Variants in IL1RAPL1 observed in about 807,000 individuals in gnomAD.
The protein encoded by IL1RAPL1 is interleukin 1 receptor accessory protein like 1, also known as interleukin-1 receptor accessory protein-like 1.
IL1RAPL1 carries 3 observed loss-of-function variants against 48.4 expected under a neutral mutation model. The ratio of observed to expected loss-of-function variants is 0.06; its 90% confidence interval spans 0.03 to 0.16. IL1RAPL1 has a LOEUF of 0.16. Among genes scored for constraint, IL1RAPL1 ranks in the 10% least tolerant of loss-of-function variants. The probability of loss-of-function intolerance (pLI) is 1.00; values close to 1 mark genes in which losing one functional copy is unlikely to be tolerated. For missense variants in IL1RAPL1, 349 were observed against 530.6 expected (o/e 0.66, Z 3.36); for synonymous variants, 185 against 187.7 (o/e 0.99, Z 0.12).
intron 5 of IL1RAPL1, among the ~76,000 whole-genome samples, chrX:29,565,804 G>T (rs1206093262): frequency 9.0e-6 from 1 of 111,578 alleles, no homozygotes; most frequent in East Asian, 2.8e-4. Flanking sequence ...TTGTGGTAGG[G>T]AAAAATTAAC....
At chrX:29,748,085 A>G (rs4829289) in intron 6 of IL1RAPL1, among the ~76,000 whole-genome samples, 42,288 of 111,336 alleles carry the variant, frequency 0.38, 5,727 homozygotes, top group Admixed American at 0.48. Flanking sequence ...AGCCAGAAAC[A>G]ACTGTAGCAG....
At chrX:29,183,476 A>T (rs775787926) in intron 2 of IL1RAPL1, among the ~76,000 whole-genome samples, 1 of 111,613 alleles carries the variant, frequency 9.0e-6, no homozygotes, top group South Asian at 3.7e-4. Context: ...AAGTGCAAGC[A>T]GGTGACTTTG....
chrX:28,884,804 A>G lies in IL1RAPL1; in HGVS notation c.82+95379A>G, dbSNP rs1041530929. ...AGAAAGGACAAAAAATAAAATATTT[A>G]TAGATTATTTGGCAAAGTATAAGTA... is the stretch of plus-strand genomic sequence containing the variant. On this transcript the variant is annotated intron_variant, in intron 2 of 10. Transcript: ENST00000378993. Among the ~76,000 whole-genome samples, 5 of 111,706 alleles carry G rather than the reference A, an allele frequency of 4.5e-5. No individual in the cohort carries two copies. In the East Asian group the frequency reaches 1.1e-3, roughly 25 times the overall value.
chrX:29,081,981 T>C (rs1272671079), intron 2 of IL1RAPL1, among the ~76,000 whole-genome samples: 1 of 111,183 alleles, frequency 9.0e-6, no homozygotes, highest in Non-Finnish European at 1.9e-5. Context: ...AATTCTCTTA[T>C]GAAATTATAC....
chrX:29,025,379 GT>G (rs1926462531), intron 2 of IL1RAPL1, among the ~76,000 whole-genome samples: 1 of 111,658 alleles, frequency 9.0e-6, no homozygotes, highest in Non-Finnish European at 1.9e-5. Context: ...TAGCCTCCTA[GT>G]TGGGCTTCCA....
At chrX:28,853,034 G>A (rs191261121) in intron 2 of IL1RAPL1, among the ~76,000 whole-genome samples, 1 of 111,354 alleles carries the variant, frequency 9.0e-6, no homozygotes, top group Non-Finnish European at 1.9e-5. Context: ...CACATAGGAA[G>A]TGCTCAATAA....
intron 5 of IL1RAPL1, among the ~76,000 whole-genome samples, chrX:29,616,446 G>A (rs758075379): frequency 3.5e-4 from 38 of 108,596 alleles, no homozygotes; most frequent in Non-Finnish European, 4.6e-4. Context: ...GTCATTTAAC[G>A]TTAGGTATAT....
At chrX:29,942,903 G>A (rs936966898) in intron 9 of IL1RAPL1, among the ~76,000 whole-genome samples, 1 of 110,782 alleles carries the variant, frequency 9.0e-6, no homozygotes, top group Non-Finnish European at 1.9e-5. Context: ...TTACAGGCAC[G>A]AGCTACTGCA....
chrX:29,103,257 C>T (rs1459505243), intron 2 of IL1RAPL1, among the ~76,000 whole-genome samples: 1 of 111,844 alleles, frequency 8.9e-6, no homozygotes, highest in African/African-American at 3.3e-5. Flanking sequence ...CAGCATGGTA[C>T]TGGCCTAGAA....
chrX:29,706,524 G>A (rs1371432994), intron 6 of IL1RAPL1, among the ~76,000 whole-genome samples: 3 of 111,480 alleles, frequency 2.7e-5, no homozygotes, highest in Non-Finnish European at 5.6e-5. Context: ...AAAACAAAGG[G>A]GCTACAGGCC....
chrX:29,032,586 CT>C (rs1307551403), intron 2 of IL1RAPL1, among the ~76,000 whole-genome samples: 1 of 112,224 alleles, frequency 8.9e-6, no homozygotes, highest in African/African-American at 3.2e-5. Context: ...TCTTTTCTTT[CT>C]CTGCGATTCT....
At chrX:29,838,682 G>A (rs1333099988) in intron 6 of IL1RAPL1, among the ~76,000 whole-genome samples, 1 of 111,997 alleles carries the variant, frequency 8.9e-6, no homozygotes, top group Non-Finnish European at 1.9e-5. Context: ...CATAGGTATA[G>A]AATCCAGCCC....
chrX:29,915,737 T>G (rs1932793916), intron 6 of IL1RAPL1, among the ~76,000 whole-genome samples: 1 of 98,467 alleles, frequency 1.0e-5, no homozygotes. Context: ...TTTTTTTGCA[T>G]TTAATTTTTA....
intron 6 of IL1RAPL1, among the ~76,000 whole-genome samples, chrX:29,782,965 C>T (rs1929388597): frequency 1.3e-5 from 1 of 77,368 alleles, no homozygotes; most frequent in South Asian, 9.4e-4. Context: ...AGTGCAGTGG[C>T]GGGATCTCGG....
In IL1RAPL1 at chrX:29,427,022, A is replaced by G. The variant is rs1028932997; in HGVS notation, c.703+27714A>G. Among the ~76,000 whole-genome samples, 14 of 110,286 alleles carry G rather than the reference A, an allele frequency of 1.3e-4. 1 individual carries two copies. The highest frequency in any genetic ancestry group is 4.8e-4 in the Admixed American group (5 of 10,345). Reference sequence around the variant, plus strand: ...TTAAAAAAAAAAAAAAAAGATTTGCATATTATTTCCCTGGTATAAGGAATC... The same window carrying G: ...TTAAAAAAAAAAAAAAAAGATTTGCGTATTATTTCCCTGGTATAAGGAATC... On this transcript the variant is annotated intron_variant, in intron 5 of 10. Transcript: ENST00000378993.
At chrX:29,592,582 C>T (rs908769253) in intron 5 of IL1RAPL1, among the ~76,000 whole-genome samples, 1 of 111,716 alleles carries the variant, frequency 9.0e-6, no homozygotes, top group Non-Finnish European at 1.9e-5. Flanking sequence ...TACCTCGTTT[C>T]ACCTCTCTTT....
In IL1RAPL1 at chrX:28,898,586, C is replaced by T. The variant is rs376330861; in HGVS notation, c.82+109161C>T. Among the ~76,000 whole-genome samples, 38 of 109,965 alleles carry T rather than the reference C, an allele frequency of 3.5e-4. No homozygotes were observed. In the East Asian group the frequency reaches 9.2e-3, roughly 27 times the overall value. ...CGCCTCTGCCTCCCTATGTGCCTGGCGAATTTCATTATTTTACATGTGGAT... is the reference window on the plus strand; with the variant it reads ...CGCCTCTGCCTCCCTATGTGCCTGGTGAATTTCATTATTTTACATGTGGAT... On this transcript the variant is annotated intron_variant, in intron 2 of 10. Transcript: ENST00000378993.
rs898969558 is a variant in IL1RAPL1 at position 29,713,743 on chromosome X, T to C, written c.778+45239T>C. Among the ~76,000 whole-genome samples, 3 of 112,005 alleles carry C rather than the reference T, an allele frequency of 2.7e-5. No individual in the cohort carries two copies. The East Asian group carries it at 8.4e-4, about 31-fold the overall frequency. On this transcript the variant is annotated intron_variant, in intron 6 of 10. Transcript: ENST00000378993. ...AATTTGGAAGGCAATTCATGGTCAC[T>C]GCACATCAGTGGAAATAAAGGATGC...
chrX:29,465,510 C>T lies in IL1RAPL1; in HGVS notation c.703+66202C>T, dbSNP rs1401425226. 2.7e-5 allele frequency among the ~76,000 whole-genome samples: 3 copies of T among 111,859 alleles called. No homozygotes were observed. In the Admixed American group the frequency reaches 2.8e-4, roughly 11 times the overall value. ...GTGTCATGAGAATATGCCAAGTTGACTAACTATAAACTGATGGTTCCCAAA... is the reference window on the plus strand; with the variant it reads ...GTGTCATGAGAATATGCCAAGTTGATTAACTATAAACTGATGGTTCCCAAA... On this transcript the variant is annotated intron_variant, in intron 5 of 10. Transcript: ENST00000378993.
Sources: gnomAD v4.1 joint callset for allele counts (sites outside exome capture counted in the v4.1 genomes callset) on GRCh38, gnomAD v4.1.1 for gene constraint, MANE v1.5 for transcripts, NCBI Gene and HGNC (gene_info 2026-07-23, HGNC 2026-07-21) for gene names.